The following BCL6 variants were observed in gnomAD, a reference collection of about 807,000 sequenced individuals.
BCL6 encodes B-cell lymphoma 6 protein.
A neutral mutation model predicts 59.5 loss-of-function variants in BCL6; 7 were observed. The ratio of observed to expected loss-of-function variants is 0.12; its 90% CI spans 0.07 to 0.22. The LOEUF (loss-of-function observed/expected upper bound fraction) is 0.22, where lower values mean the gene tolerates loss of function less well. Among genes scored for constraint, BCL6 ranks in the 10% least tolerant of loss-of-function variants. The pLI is 1.00. For missense variants in BCL6, 685 were observed against 939.4 expected (o/e 0.73, Z 3.54); for synonymous variants, 339 against 349.7 (o/e 0.97, Z 0.34).
Position 187,733,826 on chromosome 3 carries a change from A to G in BCL6, c.-10-123T>C, listed in dbSNP as rs1412500620. On this transcript the variant is annotated intron_variant, in intron 2 of 9. Coordinates refer to ENST00000406870, the MANE Select transcript of BCL6 (RefSeq NM_001706.5). ...ATGCAACTCAGGTCCCTTGTATTTG[A>G]TCTTTGAACAATTCATAGTCCAACT... 4 of 927,472 alleles carry G rather than the reference A, an allele frequency of 4.3e-6. No homozygotes were observed. The Admixed American group carries it at 6.1e-5, about 14-fold the overall frequency. 57.5% of individuals were successfully genotyped at this position (927,472 alleles called of 1,614,324 possible).
intron 5 of BCL6, 50 bp from the exon 6 acceptor site, chr3:187,728,594 A>G: frequency 6.5e-7 from 1 of 1,546,272 alleles, no homozygotes; most frequent in Non-Finnish European, 8.7e-7. Context: ...GGGCCTCAAG[A>G]CCACCCTCTC....
chr3:187,722,723 GC>G, intron 9 of BCL6, 122 bp from the exon 10 acceptor site: 1 of 1,266,190 alleles, frequency 7.9e-7, no homozygotes, highest in Non-Finnish European at 1.1e-6. Context: ...CCTCTCCAAG[GC>G]CAGGTGAAGA....
intron 1 of BCL6, among the ~76,000 whole-genome samples, chr3:187,738,913 G>A (rs1719413516): frequency 6.6e-6 from 1 of 152,256 alleles, no homozygotes; most frequent in Non-Finnish European, 1.5e-5. Flanking sequence ...AAGTTAAAAT[G>A]AAGTAAGTGC....
At chr3:187,745,147 CTA>C in intron 1 of BCL6, among the ~76,000 whole-genome samples, 1 of 152,192 alleles carries the variant, frequency 6.6e-6, no homozygotes, top group Admixed American at 6.5e-5. Flanking sequence ...ACATAACAAT[CTA>C]TATCCTATGG....
Position 187,729,712 on chromosome 3 carries a change from T to G in BCL6, c.693A>C (p.Pro231=), listed in dbSNP as rs563052898. 194 of 1,614,120 alleles carry G rather than the reference T, an allele frequency of 1.2e-4. No homozygotes were observed. The East Asian group carries it at 4.3e-3, about 36-fold the overall frequency. Residue 231 remains proline, a synonymous_variant, in exon 5 of 10, where the codon CCA becomes CCC. Transcript: ENST00000406870. This position sits in a 1 kb window ranked among gnomAD's most constrained non-coding sequence, Gnocchi z 5.6. Reference sequence around the variant, plus strand: ...CAGGGACTGGCCTGGCACTATCACATGGGAGTGCCCGCTCCTTGGGGAAGG... The same window carrying G: ...CAGGGACTGGCCTGGCACTATCACAGGGGAGTGCCCGCTCCTTGGGGAAGG... ...ANPFPKERAL[P]CDSARPVPGE...
chr3:187,743,536 T>A (rs975211702), intron 1 of BCL6, among the ~76,000 whole-genome samples: 55 of 152,262 alleles, frequency 3.6e-4, no homozygotes, highest in African/African-American at 5.3e-4. Context: ...TTCATTTTTT[T>A]AAAAAATCGG....
chr3:187,741,771 AC>A (rs1279692048), intron 1 of BCL6, among the ~76,000 whole-genome samples: 1 of 151,032 alleles, frequency 6.6e-6, no homozygotes, highest in Non-Finnish European at 1.5e-5. Context: ...TCCTCAACAC[AC>A]CCCCTACACA....
chr3:187,730,576 C>G (rs1718992262), intron 4 of BCL6, among the ~76,000 whole-genome samples: 2 of 152,204 alleles, frequency 1.3e-5, no homozygotes, highest in Admixed American at 6.5e-5. Context: ...GCAGCAAATG[C>G]CAATGTATGA....
intron 5 of BCL6, among the ~76,000 whole-genome samples, 186 bp from the exon 6 acceptor site, chr3:187,728,730 C>A (rs1718859529): frequency 1.3e-5 from 2 of 152,122 alleles, no homozygotes; most frequent in Admixed American, 6.5e-5. Flanking sequence ...CAGGGTCAAA[C>A]TGAGCCAGAG....
intron 3 of BCL6, among the ~76,000 whole-genome samples, chr3:187,733,214 A>G (rs1347113951): frequency 6.6e-6 from 1 of 152,056 alleles, no homozygotes; most frequent in Admixed American, 6.6e-5. Context: ...AGTTCATTTG[A>G]AATCTTTTCT....
At chr3:187,732,848 G>A (rs948239831) in intron 3 of BCL6, among the ~76,000 whole-genome samples, 1 of 152,094 alleles carries the variant, frequency 6.6e-6, no homozygotes, top group Admixed American at 6.5e-5. Context: ...TAAAAATCAG[G>A]TGCTTAGAGT....
At chr3:187,727,124 T>C (rs934136433) in intron 6 of BCL6, among the ~76,000 whole-genome samples, 3 of 152,302 alleles carry the variant, frequency 2.0e-5, no homozygotes, top group Non-Finnish European at 4.4e-5. Context: ...ATGGACTGAA[T>C]TAAGGTACAG....
chr3:187,744,711 C>G, intron 1 of BCL6, among the ~76,000 whole-genome samples: 1 of 152,162 alleles, frequency 6.6e-6, no homozygotes, highest in South Asian at 2.1e-4. Context: ...CGGGCAGCCT[C>G]CCTTTTTGCC....
rs960034987 is a variant in BCL6 at position 187,728,379 on chromosome 3, C to T, written c.1521G>A (p.Glu507=). 7 of 1,599,692 alleles carry T rather than the reference C, an allele frequency of 4.4e-6. No homozygotes were observed. Among genetic ancestry groups the T allele is most frequent in the Admixed American group, 1.7e-5 (1 of 57,588 alleles). Residue 507 remains glutamate, a synonymous_variant, in exon 6 of 10, where the codon GAG becomes GAA. Transcript: ENST00000406870. ...FPEEMGETQS[E]YSDSSCENGA... ...ACTCACCACAGCTAGAATCTGAGTA[C>T]TCAGACTGGGTCTCTCCCATCTCCT... is the stretch of plus-strand genomic sequence containing the variant.
At chr3:187,745,083 A>T (rs571265158) in intron 1 of BCL6, among the ~76,000 whole-genome samples, 1 of 152,172 alleles carries the variant, frequency 6.6e-6, no homozygotes, top group African/African-American at 2.4e-5. Flanking sequence ...GAGGGTGGCA[A>T]AAGCCTCCCC....
intron 1 of BCL6, among the ~76,000 whole-genome samples, chr3:187,743,519 G>A (rs945092274): frequency 6.6e-6 from 1 of 151,990 alleles, no homozygotes; most frequent in African/African-American, 2.4e-5. Context: ...AACACAGAGG[G>A]TCTTTTTTCA....
At chr3:187,723,535 C>A (rs754880769) in intron 9 of BCL6, among the ~76,000 whole-genome samples, 1 of 152,138 alleles carries the variant, frequency 6.6e-6, no homozygotes, top group Non-Finnish European at 1.5e-5. Flanking sequence ...CGGGTAGGAG[C>A]CCTCAGTACA....
At chr3:187,744,332 C>G in intron 1 of BCL6, among the ~76,000 whole-genome samples, 1 of 152,060 alleles carries the variant, frequency 6.6e-6, no homozygotes, top group East Asian at 1.9e-4. Context: ...CCCACCCACC[C>G]CAAGAAGCCC....
At chr3:187,738,924 A>C (rs541455676) in intron 1 of BCL6, among the ~76,000 whole-genome samples, 7 of 152,178 alleles carry the variant, frequency 4.6e-5, no homozygotes, top group Non-Finnish European at 1.0e-4. Context: ...AAGTAAGTGC[A>C]TTTATTGGAA....
Sources: allele counts gnomAD v4.1 joint callset (sites outside exome capture counted in the v4.1 genomes callset), GRCh38; gene constraint gnomAD v4.1.1; non-coding constraint Gnocchi (gnomAD v3.1); transcripts MANE v1.5; gene names NCBI Gene and HGNC (gene_info 2026-07-23, HGNC 2026-07-21).